Variants in TAF6L observed in about 807,000 individuals in gnomAD.
TAF6L encodes the protein TAF6-like RNA polymerase II p300/CBP-associated factor-associated factor 65 kDa subunit 6L.
A neutral mutation model predicts 57.3 loss-of-function variants in TAF6L; 34 were observed. The observed-to-expected ratio is 0.59, with a 90% confidence interval of 0.45 to 0.79. The LOEUF (loss-of-function observed/expected upper bound fraction) is 0.79, where lower values mean the gene tolerates loss of function less well. Among genes scored for constraint, TAF6L ranks in the 30% least tolerant of loss-of-function variants. The pLI, the probability that TAF6L is intolerant of heterozygous loss-of-function variation, is 0.00. For missense variants in TAF6L, 782 were observed against 853.2 expected (o/e 0.92, Z 1.04); for synonymous variants, 417 against 376.3 (o/e 1.11, Z -1.25).
Position 62,775,813 on chromosome 11 carries a change from G to A in TAF6L, c.30G>A (p.Val10=). The stretch of plus-strand genomic sequence containing the variant: ...CAGAGCGAGAAGAGCGGCGGTTTGT[G>A]GAGATCCCTCGGGAGTCTGTCCGGC... The part of the protein sequence containing the change: MSEREERRF[V]EIPRESVRLM... The change falls in exon 2 of 11, where the codon GTG becomes GTA. Residue 10 remains valine (V), a synonymous_variant. Transcript: ENST00000294168. 6.2e-7 allele frequency: 1 copy of A among 1,612,114 alleles called. No individual in the cohort carries two copies. Among genetic ancestry groups the A allele is most frequent in the Non-Finnish European group, 8.5e-7 (1 of 1,179,928 alleles).
chr11:62,772,244 G>A (rs2084154069), intron 1 of TAF6L: 30 of 412,964 alleles, frequency 7.3e-5, no homozygotes, highest in South Asian at 5.2e-4. Flanking sequence ...ATTCGTGGCC[G>A]GGCGCGGTGG....
chr11:62,775,609 T>C (rs2084180355), intron 1 of TAF6L, 162 bp from the exon 2 acceptor site: 2 of 722,566 alleles, frequency 2.8e-6, no homozygotes, highest in African/African-American at 1.8e-5. Flanking sequence ...GGCCAGTCTG[T>C]TTCCTTCTCT....
At chr11:62,775,686 A>G in intron 1 of TAF6L, 85 bp from the exon 2 acceptor site, 1 of 1,434,178 alleles carries the variant, frequency 7.0e-7, no homozygotes, top group South Asian at 1.4e-5. Flanking sequence ...ACGAGCAGCA[A>G]GGCTGGTGTG....
At position 62,787,016 on chromosome 11, in the gene TAF6L, C is replaced by G; in HGVS notation, c.1589C>G (p.Ala530Gly). The G allele has an allele frequency of 6.7e-7, 1 of 1,489,652 alleles. No individual in the cohort carries two copies. The highest frequency in any genetic ancestry group is 8.9e-7 in the Non-Finnish European group (1 of 1,129,054). The allele number at this position is 1,489,652 out of a possible 1,614,324, so 92.3% of individuals were successfully genotyped here. A position where few individuals can be genotyped will look rare whatever the true frequency, so the allele number is the denominator to read the frequency against. Residue 530 changes from alanine to glycine, a missense_variant, in exon 11 of 11, where the codon GCG (alanine) becomes GGG (glycine). Coordinates refer to ENST00000294168, the MANE Select transcript of TAF6L (RefSeq NM_006473.4). ...AGGCCCTTGCCGCGCGTGCATCGGGCGCGCGGGGCACCCCGGCAGCAGGGC... is the reference window on the plus strand; with the variant it reads ...AGGCCCTTGCCGCGCGTGCATCGGGGGCGCGGGGCACCCCGGCAGCAGGGC... ...ESRPLPRVHR[A>G]RGAPRQQGPG...
At chr11:62,778,627 T>G in intron 5 of TAF6L, 2 of 611,206 alleles carry the variant, frequency 3.3e-6, no homozygotes, top group African/African-American at 3.7e-5. Flanking sequence ...TCACAGAGCC[T>G]GAAGCTCTCA....
intron 9 of TAF6L, among the ~76,000 whole-genome samples, chr11:62,784,419 C>T (rs1012288254): frequency 6.6e-5 from 10 of 151,782 alleles, no homozygotes; most frequent in African/African-American, 2.2e-4. Context: ...ATTCTCCTGC[C>T]TCAGCCTCCC....
intron 3 of TAF6L, 96 bp downstream of exon 3, chr11:62,776,566 C>T (rs530103353): frequency 1.6e-5 from 20 of 1,252,716 alleles, no homozygotes; most frequent in Admixed American, 7.4e-5. Flanking sequence ...TAAGACCAAA[C>T]GCTGCCGGGC....
At position 62,778,333 on chromosome 11, in the gene TAF6L, C is replaced by T. The variant is rs764749953; in HGVS notation, c.434C>T (p.Ser145Leu). The T allele has an allele frequency of 4.2e-5, 68 of 1,614,020 alleles. No homozygotes were observed. Among genetic ancestry groups the T allele is most frequent in the Non-Finnish European group, 5.3e-5 (63 of 1,180,040 alleles). Reference sequence around the variant, plus strand: ...AAAGGGAACCTGGCACCTCAAGGATCGGGTAAGGGGTGATGTAGGAAACAG... The same window carrying T: ...AAAGGGAACCTGGCACCTCAAGGATTGGGTAAGGGGTGATGTAGGAAACAG... The part of the protein sequence containing the change: ...DGKGNLAPQG[S>L]VPSAVSSLTD... Residue 145 changes from serine (S) to leucine (L), a missense_variant and splice_region_variant, in exon 5 of 11, where the codon TCG (serine) becomes TTG (leucine). Physicochemically the swap from Ser to Leu is moderately radical, Grantham distance 145 (BLOSUM62 -2). Coordinates refer to ENST00000294168, the MANE Select transcript of TAF6L (RefSeq NM_006473.4).
chr11:62,775,555 C>G, intron 1 of TAF6L: 5 of 519,998 alleles, frequency 9.6e-6, no homozygotes, highest in Non-Finnish European at 1.7e-5. Context: ...TCTGTGAACC[C>G]CAACACTTTG....
At chr11:62,784,760 A>G (rs2084257994) in intron 9 of TAF6L, among the ~76,000 whole-genome samples, 1 of 152,206 alleles carries the variant, frequency 6.6e-6, no homozygotes, top group African/African-American at 2.4e-5. Flanking sequence ...ATGATACACT[A>G]AACTATGTCA....
chr11:62,772,635 G>T (rs2084156991), intron 1 of TAF6L, among the ~76,000 whole-genome samples: 1 of 151,350 alleles, frequency 6.6e-6, no homozygotes, highest in Admixed American at 6.6e-5. Context: ...TTCCAGACCA[G>T]CTTGGCTACC....
At chr11:62,784,005 G>A (rs1434244828) in intron 9 of TAF6L, among the ~76,000 whole-genome samples, 14 of 472 alleles carry the variant, frequency 0.03, no homozygotes, top group African/African-American at 0.1. Context: ...ACTCCAGCCC[G>A]GGCGACAGAG....
At chr11:62,785,692 G>A (rs912442240) in intron 9 of TAF6L, among the ~76,000 whole-genome samples, 2 of 151,718 alleles carry the variant, frequency 1.3e-5, no homozygotes, top group African/African-American at 2.4e-5. Context: ...CTGCTACTGC[G>A]CCCAGCTAAT....
rs1025371123 is a variant in TAF6L at position 62,784,596 on chromosome 11, G to A, written c.961-1664G>A. On this transcript the variant is annotated intron_variant, in intron 9 of 10. Coordinates refer to ENST00000294168, the MANE Select transcript of TAF6L (RefSeq NM_006473.4). ...GTTGGGATTACAGGTGTGAGCCACC[G>A]TGCCTGGCCTATATTCTTAATTTTA... 2.6e-5 allele frequency among the ~76,000 whole-genome samples: 4 copies of A among 152,002 alleles called. No homozygotes were observed. The South Asian group carries it at 6.2e-4, about 24-fold the overall frequency.
Position 62,776,054 on chromosome 11 carries a change from A to G in TAF6L, c.147+124A>G, listed in dbSNP as rs111758735. On this transcript the variant is annotated intron_variant, in intron 2 of 10. Coordinates refer to ENST00000294168, the MANE Select transcript of TAF6L (RefSeq NM_006473.4). ...CTGCTCCATACAACAGAGACAGTCC[A>G]TGCCTTTACAGAACTCTACTTGTAG... 3.4e-3 allele frequency: 4,346 copies of G among 1,262,366 alleles called. 14 individuals carry two copies. The highest frequency in any genetic ancestry group is 4.2e-3 in the Non-Finnish European group (3,898 of 930,820). 78.2% of individuals were successfully genotyped at this position (1,262,366 alleles called of 1,614,324 possible).
chr11:62,783,298 C>T (rs1457259150), intron 9 of TAF6L, among the ~76,000 whole-genome samples: 9 of 152,148 alleles, frequency 5.9e-5, no homozygotes, highest in Non-Finnish European at 5.9e-5. Context: ...CTGGCTAACA[C>T]GGTGAAACCC....
intron 1 of TAF6L, chr11:62,772,227 C>A: frequency 2.3e-6 from 1 of 438,286 alleles, no homozygotes; most frequent in Non-Finnish European, 4.6e-6. Context: ...AGGCATAGTA[C>A]AGTGCTATTC....
chr11:62,782,348 T>C lies in TAF6L; in HGVS notation c.827+15T>C. 1 of 1,610,972 alleles carries C rather than the reference T, an allele frequency of 6.2e-7. No individual in the cohort carries two copies. The highest frequency in any genetic ancestry group is 8.5e-7 in the Non-Finnish European group (1 of 1,179,136). On this transcript the variant is annotated intron_variant, in intron 8 of 10. Coordinates refer to ENST00000294168, the MANE Select transcript of TAF6L (RefSeq NM_006473.4). ...CACATCTTCTGGTAGCCACTGGGCC[T>C]AAACCTGCGGGTGGGATTGCTGCAG...
At chr11:62,779,976 ATTT>A (rs1277954265) in intron 6 of TAF6L, among the ~76,000 whole-genome samples, 9 of 52,626 alleles carry the variant, frequency 1.7e-4, no homozygotes, top group Admixed American at 1.2e-3. Flanking sequence ...ATATATATAT[ATTT>A]TTTTTTTTTT....
Sources: gnomAD v4.1 joint callset for allele counts (sites outside exome capture counted in the v4.1 genomes callset) on GRCh38, gnomAD v4.1.1 for gene constraint, MANE v1.5 for transcripts, NCBI Gene and HGNC (gene_info 2026-07-23, HGNC 2026-07-21) for gene names.